The following SLC4A1AP variants were observed in gnomAD, a reference collection of about 807,000 sequenced individuals.
SLC4A1AP encodes kanadaptin.
SLC4A1AP carries 64 observed loss-of-function variants against 89.7 expected under a neutral mutation model. The observed-to-expected ratio is 0.71, with a 90% CI of 0.58 to 0.88. The LOEUF (loss-of-function observed/expected upper bound fraction) is 0.88, where lower values mean the gene tolerates loss of function less well. SLC4A1AP is among the 40% of genes least tolerant of loss of function. The pLI, the probability that SLC4A1AP is intolerant of heterozygous loss-of-function variation, is 0.00. For synonymous variants in SLC4A1AP, 366 were observed against 353.3 expected, an observed-to-expected ratio of 1.04 and a Z score of -0.40; for missense variants, 931 against 965.0, an observed-to-expected ratio of 0.96 and a Z score of 0.47.
At chr2:27,691,139 G>A (rs773011576) in intron 12 of SLC4A1AP, among the ~76,000 whole-genome samples, 32 of 152,090 alleles carry the variant, frequency 2.1e-4, no homozygotes, top group Non-Finnish European at 3.7e-4. Context: ...TGAATGTCTG[G>A]TAGAATCTGA....
At chr2:27,677,967 C>T in intron 8 of SLC4A1AP, 43 bp downstream of exon 8, 1 of 1,259,556 alleles carries the variant, frequency 7.9e-7, no homozygotes, top group South Asian at 1.5e-5. Flanking sequence ...AGTATGGTAG[C>T]ATAGATAACA....
chr2:27,688,450 T>A (rs1447247996), intron 11 of SLC4A1AP, among the ~76,000 whole-genome samples: 2 of 152,216 alleles, frequency 1.3e-5, no homozygotes, highest in East Asian at 1.9e-4. Context: ...TCATTTTTTT[T>A]AAACTTGTTC....
chr2:27,685,205 G>A, exon 10 of SLC4A1AP: 2 of 1,614,186 alleles, frequency 1.2e-6, no homozygotes, highest in South Asian at 2.2e-5. Context: ...GCCAGAGATA[G>A]AGCCAGAAGC....
At chr2:27,688,387 C>T (rs1394577419) in intron 11 of SLC4A1AP, among the ~76,000 whole-genome samples, 1 of 152,184 alleles carries the variant, frequency 6.6e-6, no homozygotes, top group Admixed American at 6.5e-5. Flanking sequence ...AAAAGGACTG[C>T]TTTACTCTGG....
At chr2:27,694,383 T>C (rs561287981) in intron 13 of SLC4A1AP, among the ~76,000 whole-genome samples, 3 of 152,196 alleles carry the variant, frequency 2.0e-5, no homozygotes, top group African/African-American at 7.2e-5. Context: ...CATCACAGCT[T>C]GAGATTTCTA....
At position 27,685,273 on chromosome 2, in the gene SLC4A1AP, C is replaced by T. The variant is rs770563653; in HGVS notation, c.2112C>T (p.Thr704=). Reference sequence around the variant, plus strand: ...TCACACATTTTAAAGAAACCCAAACCCATGGTAATATCTTTCTTCTCCTTC... The same window carrying T: ...TCACACATTTTAAAGAAACCCAAACTCATGGTAATATCTTTCTTCTCCTTC... The change falls in exon 10 of 14, where the codon ACC becomes ACT. Residue 704 remains threonine (T), a synonymous_variant. Transcript: ENST00000613058. 9 of 1,604,960 alleles carry T rather than the reference C, an allele frequency of 5.6e-6. No individual in the cohort carries two copies. The Admixed American group carries it at 1.6e-4, about 28-fold the overall frequency.
chr2:27,671,113 G>T (rs766084936), intron 5 of SLC4A1AP, among the ~76,000 whole-genome samples: 8 of 151,754 alleles, frequency 5.3e-5, no homozygotes, highest in Non-Finnish European at 1.2e-4. Flanking sequence ...AGTAGAGACA[G>T]GGTTTTACCA....
At chr2:27,664,949 C>A in intron 1 of SLC4A1AP, 151 bp from the exon 2 acceptor site, 1 of 572,596 alleles carries the variant, frequency 1.7e-6, no homozygotes, top group Non-Finnish European at 3.0e-6. Flanking sequence ...CCCAGCTGCT[C>A]AGGAGGCTGA....
chr2:27,668,837 C>T lies in SLC4A1AP; in HGVS notation c.1145-6C>T. The T allele has an allele frequency of 6.2e-7, 1 of 1,613,488 alleles. No homozygotes were observed. Among genetic ancestry groups the T allele is most frequent in the Non-Finnish European group, 8.5e-7 (1 of 1,179,560 alleles). ...TAAAATTGTTTTGTCTGTCTTTCTC[C>T]CACAGGAGAAGAATTAGAATATGAA... On this transcript the variant is annotated splice_region_variant and splice_polypyrimidine_tract_variant and intron_variant, in intron 3 of 13. Transcript: ENST00000613058.
At chr2:27,676,637 T>C (rs1675528050) in intron 6 of SLC4A1AP, among the ~76,000 whole-genome samples, 1 of 150,936 alleles carries the variant, frequency 6.6e-6, no homozygotes, top group South Asian at 2.1e-4. Context: ...ACCTGACCAA[T>C]GTGGTGAAAC....
chr2:27,671,494 T>G (rs766674015), intron 5 of SLC4A1AP, among the ~76,000 whole-genome samples: 21 of 152,214 alleles, frequency 1.4e-4, no homozygotes, highest in Non-Finnish European at 2.1e-4. Flanking sequence ...AACTTAATGA[T>G]TAAGTAATTT....
At chr2:27,666,370 C>CCCCCCCG (rs1675322723) in intron 2 of SLC4A1AP, among the ~76,000 whole-genome samples, 1 of 36,318 alleles carries the variant, frequency 2.8e-5, no homozygotes, top group African/African-American at 9.4e-5. Context: ...CCCCCCCCCC[C>CCCCCCCG]CACCCCGCCC....
intron 11 of SLC4A1AP, 117 bp downstream of exon 11, chr2:27,688,137 T>C: frequency 1.3e-6 from 1 of 743,380 alleles, no homozygotes; most frequent in Non-Finnish European, 2.2e-6. Flanking sequence ...TTAGTTATGT[T>C]GCCACTAGGC....
At chr2:27,674,205 T>C (rs1675478579) in intron 5 of SLC4A1AP, among the ~76,000 whole-genome samples, 1 of 151,898 alleles carries the variant, frequency 6.6e-6, no homozygotes, top group Admixed American at 6.6e-5. Context: ...AGGGAAAGAG[T>C]CTTACTGATT....
At chr2:27,666,054 G>A (rs1675313294) in intron 2 of SLC4A1AP, among the ~76,000 whole-genome samples, 1 of 152,106 alleles carries the variant, frequency 6.6e-6, no homozygotes, top group Non-Finnish European at 1.5e-5. Flanking sequence ...GATGTGTGCT[G>A]TAAATGCAAA....
At chr2:27,694,337 A>G (rs970882054) in intron 13 of SLC4A1AP, among the ~76,000 whole-genome samples, 3 of 152,198 alleles carry the variant, frequency 2.0e-5, no homozygotes, top group Non-Finnish European at 4.4e-5. Flanking sequence ...ACACACCCTT[A>G]AAGCAATGTA....
At chr2:27,690,563 G>A (rs1177479332) in intron 12 of SLC4A1AP, among the ~76,000 whole-genome samples, 1 of 152,106 alleles carries the variant, frequency 6.6e-6, no homozygotes, top group East Asian at 1.9e-4. Context: ...ATGGCTCACT[G>A]CAAGCTTCAA....
chr2:27,684,258 T>C (rs1675668439), intron 9 of SLC4A1AP, among the ~76,000 whole-genome samples: 1 of 151,898 alleles, frequency 6.6e-6, no homozygotes. Flanking sequence ...AAACCCCGTC[T>C]CTACTAAAAA....
At chr2:27,690,508 C>A (rs1675773802) in intron 12 of SLC4A1AP, among the ~76,000 whole-genome samples, 1 of 152,116 alleles carries the variant, frequency 6.6e-6, no homozygotes, top group East Asian at 1.9e-4. Flanking sequence ...ATTTTTGAGA[C>A]CGAGTCTTGC....
Sources: allele counts gnomAD v4.1 joint callset (sites outside exome capture counted in the v4.1 genomes callset), GRCh38; gene constraint gnomAD v4.1.1; transcripts MANE v1.5; gene names NCBI Gene and HGNC (gene_info 2026-07-23, HGNC 2026-07-21).